The following NIPBL variants were observed in gnomAD, a reference collection of about 807,000 sequenced individuals.
NIPBL encodes the protein nipped-B-like protein.
NIPBL carries 19 observed loss-of-function variants against 321.8 expected under a neutral mutation model. That is an observed-to-expected ratio of 0.06 (90% CI 0.04 to 0.09). NIPBL has a LOEUF of 0.09. NIPBL is among the 10% of genes least tolerant of loss of function. The probability of loss-of-function intolerance (pLI) is 1.00; values close to 1 mark genes in which losing one functional copy is unlikely to be tolerated. For synonymous variants in NIPBL, 1,106 were observed against 1,114.1 expected (o/e 0.99, Z 0.14); for missense variants, 2,210 against 3,327.0 (o/e 0.66, Z 8.26).
chr5:37,055,940 G>A (rs1051919882), intron 42 of NIPBL, among the ~76,000 whole-genome samples: 2 of 152,072 alleles, frequency 1.3e-5, no homozygotes, highest in African/African-American at 4.8e-5. Flanking sequence ...GATTGCTTGA[G>A]CCCAGGAGTT....
At chr5:37,017,483 A>G (rs1749122909) in intron 24 of NIPBL, among the ~76,000 whole-genome samples, 1 of 152,194 alleles carries the variant, frequency 6.6e-6, no homozygotes, top group African/African-American at 2.4e-5. Flanking sequence ...TTTAGCATAC[A>G]CAATAAGATT....
chr5:37,050,192 C>T (rs2149739200), intron 40 of NIPBL, among the ~76,000 whole-genome samples: 1 of 151,938 alleles, frequency 6.6e-6, no homozygotes, highest in South Asian at 2.1e-4. Flanking sequence ...GAGTCAGGTG[C>T]AGTGGCTCAC....
Position 37,024,577 on chromosome 5 carries a change from G to A in NIPBL, c.5575-8G>A, listed in dbSNP as rs372461988. On this transcript the variant is annotated splice_polypyrimidine_tract_variant and splice_region_variant and intron_variant, in intron 29 of 46. Coordinates refer to ENST00000282516, the MANE Select transcript of NIPBL (RefSeq NM_133433.4). ...TTCTGACTCTTAAAAATACCTTTCT[G>A]TTTTTAGGATACTGGTATCAGTGTC... 6.3e-7 allele frequency: 1 copy of A among 1,597,460 alleles called. No homozygotes were observed. Among genetic ancestry groups the A allele is most frequent in the Non-Finnish European group, 8.6e-7 (1 of 1,167,348 alleles).
chr5:36,897,176 G>GT (rs996182732), intron 1 of NIPBL, among the ~76,000 whole-genome samples: 40 of 151,368 alleles, frequency 2.6e-4, no homozygotes, highest in African/African-American at 8.7e-4. Context: ...CTAATTTTTT[G>GT]TTTTTTTAGT....
intron 1 of NIPBL, among the ~76,000 whole-genome samples, chr5:36,916,652 C>G (rs1390816640): frequency 1.3e-5 from 2 of 151,534 alleles, no homozygotes; most frequent in Admixed American, 6.6e-5. Context: ...CCTCCCCACT[C>G]CCCCCACCCC....
chr5:36,887,125 C>T (rs1745970056), intron 1 of NIPBL, among the ~76,000 whole-genome samples: 1 of 152,094 alleles, frequency 6.6e-6, no homozygotes, highest in African/African-American at 2.4e-5. Flanking sequence ...GTTTAACCCT[C>T]AACCCCCAAA....
intron 20 of NIPBL, among the ~76,000 whole-genome samples, 160 bp downstream of exon 20, chr5:37,008,883 C>T (rs1747752831): frequency 6.6e-6 from 1 of 152,108 alleles, no homozygotes; most frequent in Non-Finnish European, 1.5e-5. Flanking sequence ...AATAACATGG[C>T]ATATTTAGGG....
At chr5:36,890,224 G>C (rs1746215618) in intron 1 of NIPBL, among the ~76,000 whole-genome samples, 1 of 151,766 alleles carries the variant, frequency 6.6e-6, no homozygotes, top group Non-Finnish European at 1.5e-5. Context: ...TAAATAATGA[G>C]GCAGTGAACA....
Position 36,916,376 on chromosome 5 carries a change from G to A in NIPBL, c.-79-37242G>A, listed in dbSNP as rs141102678. Reference sequence around the variant, plus strand: ...ACAATTAATTAGCATCTGACTAAAAGTATCTCTTTGGGTTTTTAAATTGGA... The same window carrying A: ...ACAATTAATTAGCATCTGACTAAAAATATCTCTTTGGGTTTTTAAATTGGA... On this transcript the variant is annotated intron_variant, in intron 1 of 46. Coordinates refer to ENST00000282516, the MANE Select transcript of NIPBL (RefSeq NM_133433.4). 2.0e-5 allele frequency among the ~76,000 whole-genome samples: 3 copies of A among 152,324 alleles called. No individual in the cohort carries two copies. In the East Asian group the frequency reaches 5.8e-4, roughly 29 times the overall value.
At chr5:37,029,003 A>G (rs990046423) in intron 32 of NIPBL, among the ~76,000 whole-genome samples, 3 of 152,176 alleles carry the variant, frequency 2.0e-5, no homozygotes, top group South Asian at 2.1e-4. Flanking sequence ...CCAGTTTTCA[A>G]GTAAACTCTT....
At chr5:36,892,450 A>G (rs536404487) in intron 1 of NIPBL, among the ~76,000 whole-genome samples, 3 of 152,340 alleles carry the variant, frequency 2.0e-5, no homozygotes, top group Non-Finnish European at 4.4e-5. Context: ...ATATACCCAA[A>G]GGATTATAAA....
At chr5:36,929,472 T>A (rs1406537014) in intron 1 of NIPBL, among the ~76,000 whole-genome samples, 6 of 152,126 alleles carry the variant, frequency 3.9e-5, no homozygotes, top group African/African-American at 1.4e-4. Flanking sequence ...TCATCAGATT[T>A]GTGATTTGGC....
chr5:37,054,756 CTATATAA>C (rs2149746006), intron 42 of NIPBL, among the ~76,000 whole-genome samples: 1 of 152,146 alleles, frequency 6.6e-6, no homozygotes, highest in South Asian at 2.1e-4. Flanking sequence ...GAGGGATCTG[CTATATAA>C]ACCAGGGAAG....
intron 40 of NIPBL, among the ~76,000 whole-genome samples, chr5:37,050,494 A>AC (rs1753420876): frequency 6.6e-6 from 1 of 151,966 alleles, no homozygotes; most frequent in Non-Finnish European, 1.5e-5. Flanking sequence ...AAAAAAAAAA[A>AC]AAAATTCACA....
chr5:37,007,511 A>C, intron 18 of NIPBL, 37 bp downstream of exon 18: 1 of 1,490,088 alleles, frequency 6.7e-7, no homozygotes, highest in South Asian at 1.1e-5. Flanking sequence ...ATATTTCTAA[A>C]CTAAATGATT....
At position 37,044,421 on chromosome 5, in the gene NIPBL, A is replaced by G; in HGVS notation, c.6183A>G (p.Pro2061=). ...LELVVPLMEH[P]SETFLATIEE... ...TAGTTGTACCACTGATGGAGCATCC[A>G]AGTGAAACTTTTCTTGCCACTATTG... Residue 2061 remains proline (P), a synonymous_variant, in exon 35 of 47, where the codon CCA becomes CCG. Transcript: ENST00000282516. 1 of 1,614,012 alleles carries G rather than the reference A, an allele frequency of 6.2e-7. No individual in the cohort carries two copies.
Position 37,022,075 on chromosome 5 carries a change from G to T in NIPBL, c.5353G>T (p.Ala1785Ser). The change falls in exon 28 of 47, where the codon GCA (alanine) becomes TCA (serine). Residue 1785 changes from alanine (A) to serine (S), a missense_variant. Physicochemically the swap from Ala to Ser is moderately conservative, Grantham distance 99 (BLOSUM62 1). Coordinates refer to ENST00000282516, the MANE Select transcript of NIPBL (RefSeq NM_133433.4). ...GATCCTACGAGTTCTTGGTGAAAAT[G>T]CAATTGCTGTTCGAACAAAAGCCAT... ...TQILRVLGENAIAVRTKAMKC... is the reference protein window; with the variant it reads ...TQILRVLGENSIAVRTKAMKC... The T allele has an allele frequency of 6.2e-7, 1 of 1,614,102 alleles. No homozygotes were observed. The highest frequency in any genetic ancestry group is 2.2e-5 in the East Asian group (1 of 44,872).
chr5:37,018,270 C>T (rs1378954286), intron 24 of NIPBL, among the ~76,000 whole-genome samples: 3 of 152,046 alleles, frequency 2.0e-5, no homozygotes, highest in Non-Finnish European at 2.9e-5. Flanking sequence ...ATCTATAGTA[C>T]AATTATCAAA....
chr5:37,028,333 CT>C (rs10676635), intron 32 of NIPBL, among the ~76,000 whole-genome samples: 57 of 102,538 alleles, frequency 5.6e-4, no homozygotes, highest in East Asian at 2.0e-3. Flanking sequence ...TTCCATAATA[CT>C]TTTTTTTTTT....
Sources: gnomAD v4.1 joint callset for allele counts (sites outside exome capture counted in the v4.1 genomes callset) on GRCh38, gnomAD v4.1.1 for gene constraint, MANE v1.5 for transcripts, NCBI Gene and HGNC (gene_info 2026-07-23, HGNC 2026-07-21) for gene names.